Variants in CIMIP7 observed in about 807,000 individuals in gnomAD.
CIMIP7 encodes uncharacterized protein C3orf84.
chr3:49,184,065 A>G, the CIMIP7 span, among the ~76,000 whole-genome samples: 3 of 152,196 alleles, frequency 2.0e-5, no homozygotes, highest in Non-Finnish European at 4.4e-5. Flanking sequence ...TGACACAATC[A>G]TGGCTCACTT....
chr3:49,188,405 G>A, the CIMIP7 span, among the ~76,000 whole-genome samples: 2 of 152,238 alleles, frequency 1.3e-5, no homozygotes, highest in Non-Finnish European at 2.9e-5. Context: ...TTGTTGCTCC[G>A]GAGGCTGACC....
the CIMIP7 span, among the ~76,000 whole-genome samples, chr3:49,188,036 A>C: frequency 7.2e-5 from 11 of 152,342 alleles, 1 homozygote; most frequent in East Asian, 1.9e-3. Context: ...GAGAGCTGCC[A>C]CTGAGGGCAA....
chr3:49,191,806 C>G, the CIMIP7 span: 1 of 1,538,852 alleles, frequency 6.5e-7, no homozygotes, highest in Non-Finnish European at 8.7e-7. Context: ...GCAAACTTTC[C>G]TCTTGTCTTT....
At chr3:49,179,104 C>T in the CIMIP7 span, among the ~76,000 whole-genome samples, 8 of 152,146 alleles carry the variant, frequency 5.3e-5, no homozygotes, top group Non-Finnish European at 1.0e-4. Flanking sequence ...CACCTATAGC[C>T]TCCCCCAGCT....
At chr3:49,178,398 C>A in the CIMIP7 span, 13 of 1,286,844 alleles carry the variant, frequency 1.0e-5, no homozygotes, top group South Asian at 1.5e-4. Context: ...TCAGTGTCAT[C>A]CCCTCCACCC....
chr3:49,183,644 G>A, the CIMIP7 span, among the ~76,000 whole-genome samples: 1 of 152,216 alleles, frequency 6.6e-6, no homozygotes, highest in East Asian at 1.9e-4. Context: ...GACAGAGTGA[G>A]ACTCTGTCTC....
chr3:49,190,330 T>G, the CIMIP7 span, among the ~76,000 whole-genome samples: 1 of 152,054 alleles, frequency 6.6e-6, no homozygotes, highest in East Asian at 1.9e-4. Flanking sequence ...TCTTCATCCA[T>G]CATTGGGACA....
chr3:49,184,699 G>A, the CIMIP7 span, among the ~76,000 whole-genome samples: 1 of 149,024 alleles, frequency 6.7e-6, no homozygotes, highest in African/African-American at 2.5e-5. Context: ...CGTGATCTCA[G>A]CACACCACAA....
At chr3:49,178,759 G>A in the CIMIP7 span, among the ~76,000 whole-genome samples, 2 of 152,214 alleles carry the variant, frequency 1.3e-5, no homozygotes, top group African/African-American at 4.8e-5. Flanking sequence ...AGAAGCCCGT[G>A]GAACCCTTAT....
the CIMIP7 span, among the ~76,000 whole-genome samples, chr3:49,181,799 TG>T: frequency 6.6e-6 from 1 of 152,230 alleles, no homozygotes; most frequent in Non-Finnish European, 1.5e-5. Context: ...CATGAAAATG[TG>T]TCCGGAATGG....
the CIMIP7 span, among the ~76,000 whole-genome samples, chr3:49,186,333 G>T: frequency 1.1e-4 from 16 of 151,820 alleles, no homozygotes; most frequent in Non-Finnish European, 2.2e-4. Flanking sequence ...CACCTCCCGT[G>T]TTCACGCCAT....
chr3:49,183,162 G>C, the CIMIP7 span, among the ~76,000 whole-genome samples: 2 of 152,224 alleles, frequency 1.3e-5, no homozygotes, highest in Non-Finnish European at 2.9e-5. Flanking sequence ...AGGGCTGCCA[G>C]CACGCTGTCA....
the CIMIP7 span, among the ~76,000 whole-genome samples, chr3:49,191,295 C>G: frequency 6.6e-6 from 1 of 152,214 alleles, no homozygotes; most frequent in African/African-American, 2.4e-5. Context: ...CTATCCTTCT[C>G]TGTCAGGAAC....
chr3:49,185,085 A>T, the CIMIP7 span, among the ~76,000 whole-genome samples: 1 of 151,554 alleles, frequency 6.6e-6, no homozygotes, highest in Non-Finnish European at 1.5e-5. Flanking sequence ...AACATGGAGA[A>T]ACCCCATCTC....
the CIMIP7 span, among the ~76,000 whole-genome samples, chr3:49,182,704 A>G: frequency 0.83 from 125,719 of 152,140 alleles, 52,755 homozygotes; most frequent in East Asian, 0.99. Context: ...ACTGGATGCC[A>G]TGGAGCAGGG....
the CIMIP7 span, chr3:49,190,094 A>C: frequency 6.2e-7 from 1 of 1,610,508 alleles, no homozygotes; most frequent in South Asian, 1.1e-5. Context: ...TAGCACTTTC[A>C]CTCTTGAATT....
At chr3:49,184,208 A>G in the CIMIP7 span, among the ~76,000 whole-genome samples, 3 of 152,234 alleles carry the variant, frequency 2.0e-5, no homozygotes, top group Non-Finnish European at 4.4e-5. Context: ...TATGTTGCAC[A>G]GGCTGATCTT....
the CIMIP7 span, chr3:49,177,760 G>A: frequency 4.0e-5 from 65 of 1,609,656 alleles, 1 homozygote; most frequent in Middle Eastern, 3.3e-4. Flanking sequence ...AGTGACCGGC[G>A]CCTGGGGCCC....
the CIMIP7 span, among the ~76,000 whole-genome samples, chr3:49,189,424 A>G: frequency 6.6e-6 from 1 of 152,126 alleles, no homozygotes; most frequent in Non-Finnish European, 1.5e-5. Flanking sequence ...ACCCTGATTT[A>G]TGATACACAG....
Sources: gnomAD v4.1 joint callset for allele counts (sites outside exome capture counted in the v4.1 genomes callset) on GRCh38, gnomAD v4.1.1 for gene constraint, MANE v1.5 for transcripts, NCBI Gene and HGNC (gene_info 2026-07-23, HGNC 2026-07-21) for gene names.